The following LRRC75B variants were observed in gnomAD, a reference collection of about 807,000 sequenced individuals.
LRRC75B encodes the protein leucine-rich repeat-containing protein 75B.
LRRC75B carries 20 observed loss-of-function variants against 16.5 expected under a neutral mutation model. The ratio of observed to expected loss-of-function variants is 1.21; its 90% CI spans 0.85 to 1.76. LRRC75B has a LOEUF of 1.76. LRRC75B is among the 40% of genes most tolerant of loss of function. The probability of loss-of-function intolerance (pLI) is 0.00; values close to 1 mark genes in which losing one functional copy is unlikely to be tolerated. For missense variants in LRRC75B, 406 were observed against 417.0 expected, an observed-to-expected ratio of 0.97 and a Z score of 0.23; for synonymous variants, 199 against 198.1, an observed-to-expected ratio of 1.00 and a Z score of -0.04.
At chr22:24,588,927 G>A (rs1297815624) in intron 2 of LRRC75B, 2 of 1,003,034 alleles carry the variant, frequency 2.0e-6, no homozygotes, top group African/African-American at 1.7e-5. Context: ...GGAATCCGAG[G>A]TGCGCGGCCC....
At position 24,586,232 on chromosome 22, in the gene LRRC75B, A is replaced by C; in HGVS notation, c.602T>G (p.Leu201Arg). The C allele has an allele frequency of 6.2e-7, 1 of 1,613,714 alleles. No homozygotes were observed. The highest frequency in any genetic ancestry group is 8.5e-7 in the Non-Finnish European group (1 of 1,180,036). Residue 201 changes from leucine to arginine, a missense_variant, in exon 4 of 4, where the codon CTG becomes CGG. By Grantham distance (102) the Leu-to-Arg change is moderately radical. Coordinates refer to ENST00000318753, the MANE Select transcript of LRRC75B (RefSeq NM_207644.3). ...GCGGGGCAGCGCCCACAGGCTGGGC[A>C]GCAGGAGGTGCAGCAGCTCATCACT... is the stretch of plus-strand genomic sequence containing the variant. ...GLSDELLHLLLPSLWALPRLT... is the reference protein window; with the variant it reads ...GLSDELLHLLRPSLWALPRLT...
intron 2 of LRRC75B, 130 bp downstream of exon 2, chr22:24,589,691 G>T: frequency 9.4e-7 from 1 of 1,060,176 alleles, no homozygotes; most frequent in Non-Finnish European, 1.3e-6. Flanking sequence ...CTCAGACAGG[G>T]ACAGTGACTT....
intron 3 of LRRC75B, among the ~76,000 whole-genome samples, chr22:24,587,564 G>A (rs576714533): frequency 1.4e-4 from 21 of 152,272 alleles, no homozygotes; most frequent in Non-Finnish European, 2.5e-4. Flanking sequence ...TAAGCTCCCG[G>A]CAGCAGTTCA....
chr22:24,592,089 G>C, intron 1 of LRRC75B: 1 of 350,454 alleles, frequency 2.9e-6, no homozygotes, highest in Non-Finnish European at 5.7e-6. Context: ...CTCACAGGAT[G>C]GGGCAGGTAG....
chr22:24,586,562 G>A lies in LRRC75B; in HGVS notation c.423-151C>T. 8 of 918,532 alleles carry A rather than the reference G, an allele frequency of 8.7e-6. No individual in the cohort carries two copies. The South Asian group carries it at 9.9e-5, about 11-fold the overall frequency. The allele number at this position is 918,532 out of a possible 1,614,324, so 56.9% of individuals were successfully genotyped here. ...TTCGTATTTTTTGAGACAAAGTTTCGCTCTTTTTGTCCAGGCTGGAGTGCA... is the reference window on the plus strand; with the variant it reads ...TTCGTATTTTTTGAGACAAAGTTTCACTCTTTTTGTCCAGGCTGGAGTGCA... On this transcript the variant is annotated intron_variant, in intron 3 of 3. Coordinates refer to ENST00000318753, the MANE Select transcript of LRRC75B (RefSeq NM_207644.3).
At chr22:24,589,346 G>A (rs1325693643) in intron 2 of LRRC75B, 39 of 1,144,018 alleles carry the variant, frequency 3.4e-5, no homozygotes, top group Non-Finnish European at 4.1e-5. Flanking sequence ...TGTTGTAGGG[G>A]AAAGCAGTGA....
chr22:24,590,797 C>T (rs1247863446), intron 1 of LRRC75B, among the ~76,000 whole-genome samples: 2 of 152,156 alleles, frequency 1.3e-5, no homozygotes, highest in Non-Finnish European at 2.9e-5. Context: ...CCACCCATGC[C>T]CCAGCTCAGT....
Position 24,585,740 on chromosome 22 carries a change from A to T in LRRC75B, c.*146T>A. On this transcript the variant is annotated 3_prime_UTR_variant, in exon 4 of 4. Transcript: ENST00000318753. ...AGGGCTGGCCACCTGGCCACCTATG[A>T]GTCCATTCTTCTGTCCCCTTAATCT... 1 of 950,744 alleles carries T rather than the reference A, an allele frequency of 1.1e-6. No homozygotes were observed. The highest frequency in any genetic ancestry group is 1.7e-5 in the South Asian group (1 of 57,234). 58.9% of individuals were successfully genotyped at this position (950,744 alleles called of 1,614,324 possible).
intron 2 of LRRC75B, chr22:24,589,247 A>G: frequency 7.9e-7 from 1 of 1,269,538 alleles, no homozygotes; most frequent in South Asian, 1.3e-5. Context: ...AGGTGCTGTC[A>G]GCATGGGGTT....
At chr22:24,589,165 G>A (rs752695790) in intron 2 of LRRC75B, 82 of 1,164,576 alleles carry the variant, frequency 7.0e-5, no homozygotes, top group Non-Finnish European at 8.8e-5. Context: ...CTGTGACTAG[G>A]AGTCTGGGTC....
intron 1 of LRRC75B, among the ~76,000 whole-genome samples, chr22:24,590,483 A>C (rs1236164708): frequency 3.9e-5 from 6 of 152,130 alleles, no homozygotes; most frequent in Non-Finnish European, 8.8e-5. Context: ...AGTGAATCCC[A>C]GAACCCTTAG....
At chr22:24,592,708 C>T (rs902790760) in intron 1 of LRRC75B, 155 bp downstream of exon 1, 71 of 1,265,566 alleles carry the variant, frequency 5.6e-5, no homozygotes, top group Middle Eastern at 3.1e-4. Context: ...CAGCCTGTCG[C>T]GCCCTCGGAA....
chr22:24,588,668 C>T (rs941968744), intron 2 of LRRC75B: 46 of 1,117,052 alleles, frequency 4.1e-5, no homozygotes, highest in Middle Eastern at 8.4e-4. Flanking sequence ...CAGCACCCTT[C>T]GGGGACTTGC....
At chr22:24,586,455 G>C in intron 3 of LRRC75B, 44 bp from the exon 4 acceptor site, 1 of 1,569,760 alleles carries the variant, frequency 6.4e-7, no homozygotes. Flanking sequence ...CAACCAGGCA[G>C]TCCCCCCACT....
At chr22:24,591,251 G>T (rs904611088) in intron 1 of LRRC75B, among the ~76,000 whole-genome samples, 1 of 152,204 alleles carries the variant, frequency 6.6e-6, no homozygotes, top group Non-Finnish European at 1.5e-5. Context: ...AGCTAATTTT[G>T]TATTTTTAGC....
At chr22:24,590,089 C>T (rs1375860786) in intron 1 of LRRC75B, 140 bp from the exon 2 acceptor site, 10 of 1,022,750 alleles carry the variant, frequency 9.8e-6, no homozygotes, top group African/African-American at 6.6e-5. Context: ...TCCCCACAGG[C>T]GGCCATGGGC....
At chr22:24,589,260 G>A (rs1264781458) in intron 2 of LRRC75B, 12 of 1,267,418 alleles carry the variant, frequency 9.5e-6, no homozygotes, top group Non-Finnish European at 1.2e-5. Context: ...ATGGGGTTCT[G>A]GGCAGCTGTG....
chr22:24,586,428 G>C lies in LRRC75B; in HGVS notation c.423-17C>G. The C allele has an allele frequency of 6.3e-7, 1 of 1,596,588 alleles. No homozygotes were observed. The highest frequency in any genetic ancestry group is 8.5e-7 in the Non-Finnish European group (1 of 1,169,796). On this transcript the variant is annotated splice_polypyrimidine_tract_variant and intron_variant, in intron 3 of 3. Coordinates refer to ENST00000318753, the MANE Select transcript of LRRC75B (RefSeq NM_207644.3). Reference sequence around the variant, plus strand: ...CTCTTGAGGCTATGGGAGAGTGGCAGGTGGGGATGGACTAGGCAACCAGGC... The same window carrying C: ...CTCTTGAGGCTATGGGAGAGTGGCACGTGGGGATGGACTAGGCAACCAGGC...
intron 2 of LRRC75B, 143 bp downstream of exon 2, chr22:24,589,677 AG>A: frequency 1.1e-6 from 1 of 912,228 alleles, no homozygotes; most frequent in Non-Finnish European, 1.6e-6. Context: ...TGCTGGCAGC[AG>A]GTCTCAGACA....
Sources: allele counts gnomAD v4.1 joint callset (sites outside exome capture counted in the v4.1 genomes callset), GRCh38; gene constraint gnomAD v4.1.1; transcripts MANE v1.5; gene names NCBI Gene and HGNC (gene_info 2026-07-23, HGNC 2026-07-21).